The following C9orf152 variants were observed in gnomAD, a reference collection of about 807,000 sequenced individuals.
The protein encoded by C9orf152 is uncharacterized protein C9orf152.
C9orf152 carries 8 observed loss-of-function variants against 8.5 expected under a neutral mutation model. That is an observed-to-expected ratio of 0.94 (90% confidence interval 0.55 to 1.70). The LOEUF is 1.70. C9orf152 is among the 40% of genes most tolerant of loss of function. The pLI is 0.00. For missense variants in C9orf152, 293 were observed against 286.2 expected (o/e 1.02, Z -0.17); for synonymous variants, 109 against 113.0 (o/e 0.96, Z 0.22).
At chr9:110,203,213 C>T (rs938956846) in intron 1 of C9orf152, among the ~76,000 whole-genome samples, 12 of 151,860 alleles carry the variant, frequency 7.9e-5, no homozygotes, top group East Asian at 3.9e-4. Flanking sequence ...TTAGTAGAGA[C>T]GGGGTTTCAC....
intron 1 of C9orf152, among the ~76,000 whole-genome samples, chr9:110,206,639 T>C (rs9299182): frequency 0.02 from 3,070 of 152,278 alleles, 99 homozygotes; most frequent in African/African-American, 0.07. Flanking sequence ...TGGCCCCTGA[T>C]TCCTGCCCAG....
At chr9:110,201,538 G>A (rs1837222078) in intron 1 of C9orf152, 64 bp from the exon 2 acceptor site, 13 of 1,366,244 alleles carry the variant, frequency 9.5e-6, no homozygotes, top group Non-Finnish European at 1.2e-5. Flanking sequence ...TCACTTAGGG[G>A]GTCTCATTGC....
At position 110,200,792 on chromosome 9, in the gene C9orf152, T is replaced by C; in HGVS notation, c.*156A>G. On this transcript the variant is annotated 3_prime_UTR_variant, in exon 2 of 2. Transcript: ENST00000400613. Reference sequence around the variant, plus strand: ...TCTTCTTATTGGAAGGGTAAAACCATGTTACCATTGTGAAGTTCGTCTCCC... The same window carrying C: ...TCTTCTTATTGGAAGGGTAAAACCACGTTACCATTGTGAAGTTCGTCTCCC... The C allele has an allele frequency of 2.6e-6, 2 of 765,830 alleles. No homozygotes were observed. Among genetic ancestry groups the C allele is most frequent in the Non-Finnish European group, 4.2e-6 (2 of 479,148 alleles). 47.4% of individuals were successfully genotyped at this position (765,830 alleles called of 1,614,324 possible).
intron 1 of C9orf152, among the ~76,000 whole-genome samples, chr9:110,202,071 TTTTG>T (rs58614004): frequency 9.2e-5 from 14 of 151,526 alleles, no homozygotes; most frequent in African/African-American, 2.7e-4. Context: ...CTGGGATTCT[TTTTG>T]TTTGTTTGTT....
At chr9:110,201,497 G>C in intron 1 of C9orf152, 23 bp from the exon 2 acceptor site, 1 of 1,500,106 alleles carries the variant, frequency 6.7e-7, no homozygotes, top group African/African-American at 1.4e-5. Flanking sequence ...TGCACCAGCA[G>C]GGTCATCACT....
rs575236767 is a variant in C9orf152 at position 110,204,759 on chromosome 9, C to T, written c.193+2628G>A. On this transcript the variant is annotated intron_variant, in intron 1 of 1. Transcript: ENST00000400613. ...ACACTCTATAAGCATTAAACAATAA[C>T]GCCCCACTTCCCCATGCCCCAGCCT... Among the ~76,000 whole-genome samples the T allele has an allele frequency of 1.6e-4, 24 of 152,256 alleles. No homozygotes were observed. The East Asian group carries it at 3.3e-3, about 21-fold the overall frequency.
chr9:110,200,940 A>G lies in C9orf152; in HGVS notation c.*8T>C. The G allele has an allele frequency of 6.3e-7, 1 of 1,587,326 alleles. No individual in the cohort carries two copies. The highest frequency in any genetic ancestry group is 1.2e-5 in the South Asian group (1 of 85,090). ...TCAAGGTCAAGACATCTGGCAGAAT[A>G]GAAAGCTTCACGCTGAGCCATATAA... is the stretch of plus-strand genomic sequence containing the variant. On this transcript the variant is annotated 3_prime_UTR_variant, in exon 2 of 2. Transcript: ENST00000400613.
At chr9:110,205,184 G>A (rs988642817) in intron 1 of C9orf152, among the ~76,000 whole-genome samples, 8 of 152,132 alleles carry the variant, frequency 5.3e-5, no homozygotes, top group African/African-American at 1.9e-4. Context: ...GCCCAAATGA[G>A]ATCCAGGCTG....
Position 110,207,728 on chromosome 9 carries a change from AG to A in C9orf152, c.-150del, listed in dbSNP as rs1353962108. ...GACTGAGGAAGGAGATAGAAAAATA[AG>A]GGGGAAGGAGAAAGATGAAGGGGAA... On this transcript the variant is annotated 5_prime_UTR_variant, in exon 1 of 2. Transcript: ENST00000400613. 2 of 558,670 alleles carry A rather than the reference AG, an allele frequency of 3.6e-6. No homozygotes were observed. Among genetic ancestry groups the A allele is most frequent in the East Asian group, 3.4e-5 (1 of 29,506 alleles). The allele number at this position is 558,670 out of a possible 1,614,324, so 34.6% of individuals were successfully genotyped here. A position where few individuals can be genotyped will look rare whatever the true frequency, so the allele number is the denominator to read the frequency against.
Position 110,200,935 on chromosome 9 carries a change from A to G in C9orf152, c.*13T>C. The G allele has an allele frequency of 7.0e-6, 11 of 1,579,520 alleles. No individual in the cohort carries two copies. The highest frequency in any genetic ancestry group is 8.6e-6 in the Non-Finnish European group (10 of 1,166,242). ...TGGCCTCAAGGTCAAGACATCTGGC[A>G]GAATAGAAAGCTTCACGCTGAGCCA... is the stretch of plus-strand genomic sequence containing the variant. On this transcript the variant is annotated 3_prime_UTR_variant, in exon 2 of 2. Transcript: ENST00000400613.
chr9:110,199,984 G>A lies in C9orf152; in HGVS notation c.*964C>T, dbSNP rs1837192021. 6.6e-6 allele frequency: 1 copy of A among 152,156 alleles called. No individual in the cohort carries two copies. Among genetic ancestry groups the A allele is most frequent in the Non-Finnish European group, 1.5e-5 (1 of 68,030 alleles). The allele number at this position is 152,156 out of a possible 1,614,324, so 9.4% of individuals were successfully genotyped here. ...GTGATCTAAGTTGGACTAAACAGGA[G>A]GCAGTCTATAGGGAATGTGTATTTT... On this transcript the variant is annotated 3_prime_UTR_variant, in exon 2 of 2. Transcript: ENST00000400613.
chr9:110,207,831 C>G lies in C9orf152; in HGVS notation c.-252G>C. The G allele has an allele frequency of 2.3e-6, 1 of 444,396 alleles. No homozygotes were observed. Among genetic ancestry groups the G allele is most frequent in the Non-Finnish European group, 3.9e-6 (1 of 254,542 alleles). 27.5% of individuals were successfully genotyped at this position (444,396 alleles called of 1,614,324 possible). Reference sequence around the variant, plus strand: ...TGGCAGTAAGAGGAGAAGGAAATGTCAGAGGAAAGAAGGGGCAGCGAAGGG... The same window carrying G: ...TGGCAGTAAGAGGAGAAGGAAATGTGAGAGGAAAGAAGGGGCAGCGAAGGG... On this transcript the variant is annotated 5_prime_UTR_variant, in exon 1 of 2. Transcript: ENST00000400613.
chr9:110,207,609 G>T lies in C9orf152; in HGVS notation c.-30C>A, dbSNP rs778370472. 4.6e-6 allele frequency: 7 copies of T among 1,538,408 alleles called. No homozygotes were observed. Among genetic ancestry groups the T allele is most frequent in the Non-Finnish European group, 6.1e-6 (7 of 1,145,232 alleles). ...ATCCGGGAGAAAAGCAAACACAGCT[G>T]GGTGGGGCAGGACCTGGGGAGGGGA... On this transcript the variant is annotated 5_prime_UTR_variant, in exon 1 of 2. Coordinates refer to ENST00000400613, the MANE Select transcript of C9orf152 (RefSeq NM_001012993.3).
chr9:110,207,900 A>C lies in C9orf152; in HGVS notation c.-321T>G. The C allele has an allele frequency of 1.5e-5, 4 of 264,026 alleles. No individual in the cohort carries two copies. The highest frequency in any genetic ancestry group is 2.3e-5 in the African/African-American group (1 of 43,960). 16.4% of individuals were successfully genotyped at this position (264,026 alleles called of 1,614,324 possible). ...AGGTGATAGTGACAAGCGGGGATTA[A>C]TGGGGCGAGAGAAGAAAGAGAGGGA... On this transcript the variant is annotated 5_prime_UTR_variant, in exon 1 of 2. Coordinates refer to ENST00000400613, the MANE Select transcript of C9orf152 (RefSeq NM_001012993.3).
intron 1 of C9orf152, 114 bp downstream of exon 1, chr9:110,207,273 C>T: frequency 3.2e-6 from 4 of 1,235,962 alleles, no homozygotes; most frequent in Non-Finnish European, 4.6e-6. Flanking sequence ...GCCTCCCCTG[C>T]TCTTCCCCAC....
At chr9:110,203,972 A>C (rs7046745) in intron 1 of C9orf152, among the ~76,000 whole-genome samples, 107,032 of 151,958 alleles carry the variant, frequency 0.7, 38,165 homozygotes, top group East Asian at 0.95. Context: ...CAGAGTCAGG[A>C]AGACATGAGG....
rs1837187765 is a variant in C9orf152, at chr9:110,199,573, A to T, written c.*1375T>A. The stretch of plus-strand genomic sequence containing the variant: ...AGCAAAGGACAAATTTTTTTGAGAA[A>T]ATTTCCTTTTTTATTAGAATATTTA... On this transcript the variant is annotated 3_prime_UTR_variant, in exon 2 of 2. Coordinates refer to ENST00000400613, the MANE Select transcript of C9orf152 (RefSeq NM_001012993.3). 1 of 152,198 alleles carries T rather than the reference A, an allele frequency of 6.6e-6. No homozygotes were observed. The highest frequency in any genetic ancestry group is 2.4e-5 in the African/African-American group (1 of 41,454). 9.4% of individuals were successfully genotyped at this position (152,198 alleles called of 1,614,324 possible). A position where few individuals can be genotyped will look rare whatever the true frequency, so the allele number is the denominator to read the frequency against.
In C9orf152 at chr9:110,206,207, G is replaced by T. The variant is rs898353598; in HGVS notation, c.193+1180C>A. On this transcript the variant is annotated intron_variant, in intron 1 of 1. Coordinates refer to ENST00000400613, the MANE Select transcript of C9orf152 (RefSeq NM_001012993.3). ...TTAGCACCTAGTAATGATGGGAAAG[G>T]GGGTACCGAGTTACCAAGAGCAGGA... Among the ~76,000 whole-genome samples the T allele has an allele frequency of 4.6e-5, 7 of 152,190 alleles. No homozygotes were observed. The South Asian group carries it at 1.5e-3, about 32-fold the overall frequency.
At chr9:110,205,835 C>T (rs1837268424) in intron 1 of C9orf152, among the ~76,000 whole-genome samples, 1 of 152,078 alleles carries the variant, frequency 6.6e-6, no homozygotes, top group Non-Finnish European at 1.5e-5. Context: ...GGGTGGATCA[C>T]CTGAGGTCAG....
Sources: gnomAD v4.1 joint callset for allele counts (sites outside exome capture counted in the v4.1 genomes callset) on GRCh38, gnomAD v4.1.1 for gene constraint, MANE v1.5 for transcripts, NCBI Gene and HGNC (gene_info 2026-07-23, HGNC 2026-07-21) for gene names.